The following LMX1A variants were observed in gnomAD, a reference collection of about 807,000 sequenced individuals.
LMX1A encodes LIM homeobox transcription factor 1 alpha, also known as LIM homeobox transcription factor 1-alpha.
LMX1A carries 15 observed loss-of-function variants against 49.1 expected under a neutral mutation model. The observed-to-expected ratio is 0.31, with a 90% CI of 0.20 to 0.47. The LOEUF is 0.47. Ranked by LOEUF, LMX1A falls within the 20% of genes least tolerant of loss-of-function variation. The probability of loss-of-function intolerance (pLI) is 1.00; values close to 1 mark genes in which losing one functional copy is unlikely to be tolerated. For missense variants in LMX1A, 372 were observed against 475.8 expected (o/e 0.78, Z 2.03); for synonymous variants, 167 against 185.7 (o/e 0.90, Z 0.82).
intron 4 of LMX1A, among the ~76,000 whole-genome samples, chr1:165,225,366 A>T (rs1651995815): frequency 6.6e-6 from 1 of 152,226 alleles, no homozygotes; most frequent in African/African-American, 2.4e-5. Flanking sequence ...GTATGCAGTG[A>T]ACTCCACTAC....
intron 3 of LMX1A, among the ~76,000 whole-genome samples, chr1:165,297,083 G>C (rs1335087269): frequency 6.6e-6 from 1 of 152,202 alleles, no homozygotes; most frequent in Non-Finnish European, 1.5e-5. Context: ...TTAGACATCT[G>C]TAGAGCTCAG....
chr1:165,335,691 A>C (rs1288333867), intron 3 of LMX1A, among the ~76,000 whole-genome samples: 1 of 152,232 alleles, frequency 6.6e-6, no homozygotes, highest in Non-Finnish European at 1.5e-5. Flanking sequence ...GTACCAAATA[A>C]ATACTGGATG....
chr1:165,326,704 G>C (rs551752333), intron 3 of LMX1A, among the ~76,000 whole-genome samples: 1 of 152,166 alleles, frequency 6.6e-6, no homozygotes, highest in East Asian at 1.9e-4. Flanking sequence ...TTCTTCCTAG[G>C]CCCTCTTCAT....
intron 2 of LMX1A, among the ~76,000 whole-genome samples, chr1:165,354,967 G>A (rs913958229): frequency 4.6e-5 from 7 of 152,118 alleles, no homozygotes; most frequent in African/African-American, 1.7e-4. Flanking sequence ...CGGAGCCTAG[G>A]GCCCAGCCGC....
At chr1:165,330,549 C>T (rs1655716621) in intron 3 of LMX1A, among the ~76,000 whole-genome samples, 1 of 152,166 alleles carries the variant, frequency 6.6e-6, no homozygotes, top group African/African-American at 2.4e-5. Context: ...CCAACCTCCC[C>T]CAGATAATTA....
At chr1:165,262,786 C>A (rs1431884183) in intron 3 of LMX1A, among the ~76,000 whole-genome samples, 1 of 151,958 alleles carries the variant, frequency 6.6e-6, no homozygotes, top group Admixed American at 6.6e-5. Flanking sequence ...TTTCCTCTAC[C>A]AGCTACCTTT....
At position 165,233,212 on chromosome 1, in the gene LMX1A, T is replaced by C. The variant is rs549623512; in HGVS notation, c.496+16196A>G. ...GCTCATGCCTATAATCCAATCACTATGGAAGGCTAAGGTGAGTGGATTCCT... is the reference window on the plus strand; with the variant it reads ...GCTCATGCCTATAATCCAATCACTACGGAAGGCTAAGGTGAGTGGATTCCT... On this transcript the variant is annotated intron_variant, in intron 4 of 8. Coordinates refer to ENST00000342310, the MANE Select transcript of LMX1A (RefSeq NM_177398.4). Among the ~76,000 whole-genome samples, 9 of 152,314 alleles carry C rather than the reference T, an allele frequency of 5.9e-5. No individual in the cohort carries two copies. The South Asian group carries it at 1.9e-3, about 32-fold the overall frequency.
At chr1:165,354,223 G>A (rs1309707892) in intron 2 of LMX1A, among the ~76,000 whole-genome samples, 1 of 152,048 alleles carries the variant, frequency 6.6e-6, no homozygotes, top group African/African-American at 2.4e-5. Context: ...CCCATTTCCC[G>A]GCTGCACTCT....
intron 4 of LMX1A, among the ~76,000 whole-genome samples, chr1:165,226,451 A>T (rs148323643): frequency 6.6e-6 from 1 of 152,230 alleles, no homozygotes; most frequent in Non-Finnish European, 1.5e-5. Flanking sequence ...GGCTTAGCTC[A>T]GTGTCCTAGA....
intron 3 of LMX1A, among the ~76,000 whole-genome samples, chr1:165,295,960 C>A (rs1654602985): frequency 6.6e-6 from 1 of 152,194 alleles, no homozygotes; most frequent in African/African-American, 2.4e-5. Flanking sequence ...TCTTCTCTTG[C>A]TCTAAATATT....
intron 3 of LMX1A, among the ~76,000 whole-genome samples, chr1:165,347,045 C>A (rs899636383): frequency 6.6e-6 from 1 of 152,094 alleles, no homozygotes; most frequent in Non-Finnish European, 1.5e-5. Flanking sequence ...TCAATGATAA[C>A]GTAACTAATT....
intron 3 of LMX1A, among the ~76,000 whole-genome samples, chr1:165,321,632 C>G (rs1243851211): frequency 1.3e-5 from 2 of 152,088 alleles, no homozygotes; most frequent in Non-Finnish European, 2.9e-5. Context: ...GACCAAAGAC[C>G]TAATTGCAAG....
intron 3 of LMX1A, among the ~76,000 whole-genome samples, chr1:165,321,295 C>T (rs574414829): frequency 2.6e-5 from 4 of 152,166 alleles, no homozygotes; most frequent in South Asian, 4.1e-4. Flanking sequence ...AGGGTGATGA[C>T]AGCATTCTAA....
At chr1:165,225,215 G>A (rs1344027337) in intron 4 of LMX1A, among the ~76,000 whole-genome samples, 1 of 152,170 alleles carries the variant, frequency 6.6e-6, no homozygotes, top group Non-Finnish European at 1.5e-5. Flanking sequence ...CAGACTGGGC[G>A]GCTTCCCAGC....
intron 3 of LMX1A, among the ~76,000 whole-genome samples, chr1:165,327,014 C>T (rs1194561633): frequency 6.6e-6 from 1 of 152,166 alleles, no homozygotes; most frequent in Non-Finnish European, 1.5e-5. Context: ...AACCCTACTA[C>T]ATCCACCATG....
Position 165,271,721 on chromosome 1 carries a change from T to A in LMX1A, c.264-22081A>T, listed in dbSNP as rs541170041. Reference sequence around the variant, plus strand: ...GAGAGCCACACTCTTCCCTTGCTGCTGGGCAGGTAGAAATACCTGGCAGGA... The same window carrying A: ...GAGAGCCACACTCTTCCCTTGCTGCAGGGCAGGTAGAAATACCTGGCAGGA... On this transcript the variant is annotated intron_variant, in intron 3 of 8. Coordinates refer to ENST00000342310, the MANE Select transcript of LMX1A (RefSeq NM_177398.4). Among the ~76,000 whole-genome samples, 3 of 152,206 alleles carry A rather than the reference T, an allele frequency of 2.0e-5. No individual in the cohort carries two copies. In the East Asian group the frequency reaches 5.8e-4, roughly 29 times the overall value.
At position 165,289,776 on chromosome 1, in the gene LMX1A, G is replaced by A. The variant is rs148451256; in HGVS notation, c.264-40136C>T. On this transcript the variant is annotated intron_variant, in intron 3 of 8. Transcript: ENST00000342310. ...GGAAATGATGGCACCCACCCTGCCTGCCTTAGACAGCTGTTGTGGGGTTAG... is the reference window on the plus strand; with the variant it reads ...GGAAATGATGGCACCCACCCTGCCTACCTTAGACAGCTGTTGTGGGGTTAG... Among the ~76,000 whole-genome samples the A allele has an allele frequency of 4.0e-4, 61 of 152,342 alleles. 1 individual carries two copies. In the East Asian group the frequency reaches 9.5e-3, roughly 24 times the overall value.
chr1:165,240,318 G>GT (rs5778435), intron 4 of LMX1A, among the ~76,000 whole-genome samples: 40 of 149,750 alleles, frequency 2.7e-4, no homozygotes, highest in Non-Finnish European at 4.2e-4. Flanking sequence ...CCTACTCAAG[G>GT]TTTTTTTTTT....
intron 3 of LMX1A, among the ~76,000 whole-genome samples, chr1:165,351,229 C>T (rs773283595): frequency 2.6e-5 from 4 of 151,980 alleles, no homozygotes; most frequent in African/African-American, 4.8e-5. Context: ...AGCCCCAATA[C>T]TTGTGAATTT....
Sources: allele counts gnomAD v4.1 joint callset (sites outside exome capture counted in the v4.1 genomes callset), GRCh38; gene constraint gnomAD v4.1.1; transcripts MANE v1.5; gene names NCBI Gene and HGNC (gene_info 2026-07-23, HGNC 2026-07-21).